SLC25A19: variants seen among roughly 807,000 people sequenced by gnomAD.
The protein encoded by SLC25A19 is solute carrier family 25 member 19.
A neutral mutation model predicts 27.9 loss-of-function variants in SLC25A19; 18 were observed. That is an observed-to-expected ratio of 0.64 (90% CI 0.45 to 0.96). The LOEUF (loss-of-function observed/expected upper bound fraction) is 0.96, where lower values mean the gene tolerates loss of function less well. Among genes scored for constraint, SLC25A19 ranks in the 40% least tolerant of loss-of-function variants. The pLI is 0.00. For synonymous variants in SLC25A19, 169 were observed against 167.1 expected, an observed-to-expected ratio of 1.01 and a Z score of -0.09; for missense variants, 371 against 418.3, an observed-to-expected ratio of 0.89 and a Z score of 0.99.
intron 4 of SLC25A19, 50 bp downstream of exon 4, chr17:75,286,254 C>T (rs1192776387): frequency 6.2e-7 from 1 of 1,605,702 alleles, no homozygotes; most frequent in African/African-American, 1.3e-5. Context: ...CTCTGCTCCT[C>T]CACTGAGCAA....
intron 5 of SLC25A19, 136 bp downstream of exon 5, chr17:75,283,287 C>T (rs1348074966): frequency 1.2e-4 from 119 of 972,868 alleles, no homozygotes; most frequent in Non-Finnish European, 3.6e-5. Flanking sequence ...CATGACAGAG[C>T]GAGATTCTGT....
rs776356552 is a variant in SLC25A19 at position 75,284,633 on chromosome 17, C to CATTTTTTTTTTTTTTTTTTTTTTT, written c.289-1041_289-1040insAAAAAAAAAAAAAAAAAAAAAAAT. On this transcript the variant is annotated intron_variant, in intron 4 of 7. Transcript: ENST00000416858. The stretch of plus-strand genomic sequence containing the variant: ...GTGACCCCCTTACATTCAGATCTTT[C>CATTTTTTTTTTTTTTTTTTTTTTT]TTTTTTTTTTTTTTTTTTTTTTTTT... Among the ~76,000 whole-genome samples the CATTTTTTTTTTTTTTTTTTTTTTT allele has an allele frequency of 9.8e-5, 11 of 112,292 alleles. 5 individuals are homozygous for CATTTTTTTTTTTTTTTTTTTTTTT. The highest frequency in any genetic ancestry group is 8.9e-5 in the Non-Finnish European group (5 of 55,872). The allele number at this position is 112,292 out of a possible 152,430, so 73.7% of individuals were successfully genotyped here.
chr17:75,278,988 CATAA>C lies in SLC25A19; in HGVS notation c.460-657_460-654del, dbSNP rs77182978. 3.4e-3 allele frequency among the ~76,000 whole-genome samples: 505 copies of C among 146,804 alleles called. 5 individuals carry two copies. Among genetic ancestry groups the C allele is most frequent in the South Asian group, 7.9e-3 (37 of 4,674 alleles). Reference sequence around the variant, plus strand: ...ACAGGCGGAGACTCTGTCTCAAAAACATAAATAAATAAATAAATAAATAAATAAA... The same window carrying C: ...ACAGGCGGAGACTCTGTCTCAAAAACATAAATAAATAAATAAATAAATAAA... On this transcript the variant is annotated intron_variant, in intron 5 of 7. Transcript: ENST00000416858.
intron 5 of SLC25A19, among the ~76,000 whole-genome samples, chr17:75,278,723 T>C (rs2077960879): frequency 1.3e-5 from 2 of 152,090 alleles, no homozygotes; most frequent in South Asian, 4.2e-4. Flanking sequence ...GGCTCACGCC[T>C]GTAATCCCAG....
intron 5 of SLC25A19, among the ~76,000 whole-genome samples, chr17:75,281,029 A>T (rs894054916): frequency 5.9e-5 from 9 of 151,726 alleles, no homozygotes; most frequent in African/African-American, 2.2e-4. Context: ...TACAAAAAAT[A>T]AAAAAATAAA....
At chr17:75,276,303 A>G (rs2077885277) in intron 7 of SLC25A19, among the ~76,000 whole-genome samples, 1 of 152,122 alleles carries the variant, frequency 6.6e-6, no homozygotes, top group Non-Finnish European at 1.5e-5. Flanking sequence ...AAAAAAATAC[A>G]TATATATATA....
chr17:75,275,006 T>G (rs2077840130), intron 7 of SLC25A19, among the ~76,000 whole-genome samples: 1 of 105,200 alleles, frequency 9.5e-6, no homozygotes, highest in Admixed American at 1.0e-4. Flanking sequence ...TTTTTTTTTT[T>G]GAGACAGAGT....
At chr17:75,283,649 A>C (rs1414113758) in intron 4 of SLC25A19, 56 bp from the exon 5 acceptor site, 18 of 1,548,252 alleles carry the variant, frequency 1.2e-5, no homozygotes, top group Non-Finnish European at 1.6e-5. Flanking sequence ...GTGAGGACCA[A>C]ATACTCCCCA....
intron 7 of SLC25A19, among the ~76,000 whole-genome samples, chr17:75,275,353 A>G (rs1399684292): frequency 6.6e-6 from 1 of 151,942 alleles, no homozygotes; most frequent in African/African-American, 2.4e-5. Context: ...ATGCATTATA[A>G]CTATAAACCC....
At chr17:75,281,611 C>T (rs934034167) in intron 5 of SLC25A19, among the ~76,000 whole-genome samples, 1 of 152,052 alleles carries the variant, frequency 6.6e-6, no homozygotes, top group Non-Finnish European at 1.5e-5. Context: ...ACAGGAGAAT[C>T]GCTTGAACCC....
At chr17:75,276,071 C>T (rs887357354) in intron 7 of SLC25A19, among the ~76,000 whole-genome samples, 15 of 151,794 alleles carry the variant, frequency 9.9e-5, no homozygotes, top group South Asian at 2.1e-4. Context: ...GTCAGGAGTT[C>T]GAGACCAGCC....
Position 75,274,971 on chromosome 17 carries a change from GTCT to G in SLC25A19, c.775-1335_775-1333del, listed in dbSNP as rs1467704393. On this transcript the variant is annotated intron_variant, in intron 7 of 7. Transcript: ENST00000416858. ...GGTAGTGAAATTACAAGGGATTTTG[GTCT>G]TTTTTTTTTTTTTTTTTTTTTTTTT... Among the ~76,000 whole-genome samples the G allele has an allele frequency of 8.7e-4, 64 of 73,890 alleles. 1 individual carries two copies. Among genetic ancestry groups the G allele is most frequent in the African/African-American group, 3.7e-3 (62 of 16,980 alleles). 48.5% of individuals were successfully genotyped at this position (73,890 alleles called of 152,430 possible). A position where few individuals can be genotyped will look rare whatever the true frequency, so the allele number is the denominator to read the frequency against.
At chr17:75,285,515 C>A (rs2078160641) in intron 4 of SLC25A19, among the ~76,000 whole-genome samples, 1 of 152,338 alleles carries the variant, frequency 6.6e-6, no homozygotes, top group African/African-American at 2.4e-5. Flanking sequence ...GCATGCCCAG[C>A]CAGTAAGCAC....
Position 75,273,530 on chromosome 17 carries a change from G to T in SLC25A19, c.884C>A (p.Ser295Tyr), listed in dbSNP as rs1386013043. ...ATACGAGAAGAACATGAAGCCTGTG[G>T]AGAGGGCAGCCTTCAGCAAGCTGGG... is the stretch of plus-strand genomic sequence containing the variant. Reference protein sequence around the residue: ...LSPSLLKAALSTGFMFFSYEF... With the variant: ...LSPSLLKAALYTGFMFFSYEF... The change falls in exon 8 of 8, where the codon TCC becomes TAC. Residue 295 changes from serine (S) to tyrosine (Y), a missense_variant. Coordinates refer to ENST00000416858, the MANE Select transcript of SLC25A19 (RefSeq NM_001126121.2). 1 of 1,614,210 alleles carries T rather than the reference G, an allele frequency of 6.2e-7. No homozygotes were observed. The highest frequency in any genetic ancestry group is 1.7e-5 in the Admixed American group (1 of 60,028).
At chr17:75,276,965 G>A (rs751902171) in intron 7 of SLC25A19, among the ~76,000 whole-genome samples, 1 of 149,242 alleles carries the variant, frequency 6.7e-6, no homozygotes, top group African/African-American at 2.5e-5. Flanking sequence ...TTACAGGTGT[G>A]AGCCACCACG....
chr17:75,273,577 C>T lies in SLC25A19; in HGVS notation c.837G>A (p.Leu279=), dbSNP rs755485112. ...TGGGGGACAGGCCCTTGAAGAAGCC[C>T]AGGGCGCCTTCCTTTTGCAGCACCT... is the stretch of plus-strand genomic sequence containing the variant. The part of the protein sequence containing the change: ...AKQVLQKEGA[L]GFFKGLSPSL... The change falls in exon 8 of 8, where the codon CTG becomes CTA. Residue 279 remains leucine, a synonymous_variant. Coordinates refer to ENST00000416858, the MANE Select transcript of SLC25A19 (RefSeq NM_001126121.2). 5.0e-6 allele frequency: 8 copies of T among 1,613,978 alleles called. No homozygotes were observed. The East Asian group carries it at 8.9e-5, about 18-fold the overall frequency.
chr17:75,283,410 C>T lies in SLC25A19; in HGVS notation c.459+13G>A. On this transcript the variant is annotated intron_variant, in intron 5 of 7. Coordinates refer to ENST00000416858, the MANE Select transcript of SLC25A19 (RefSeq NM_001126121.2). Reference sequence around the variant, plus strand: ...TTATTTGGGCTTCCCCGGTCTGGCTCCTGGCCACTCACCTTGGGCTCACCC... The same window carrying T: ...TTATTTGGGCTTCCCCGGTCTGGCTTCTGGCCACTCACCTTGGGCTCACCC... The T allele has an allele frequency of 1.2e-6, 2 of 1,611,382 alleles. No homozygotes were observed. The highest frequency in any genetic ancestry group is 2.7e-5 in the African/African-American group (2 of 74,996).
At chr17:75,283,361 G>A in intron 5 of SLC25A19, 62 bp downstream of exon 5, 2 of 1,495,032 alleles carry the variant, frequency 1.3e-6, no homozygotes, top group South Asian at 1.2e-5. Flanking sequence ...AATAAAGAAT[G>A]CTACCCCTGT....
In SLC25A19 at chr17:75,283,601, AG is replaced by A. The variant is rs1413285534; in HGVS notation, c.289-9del. On this transcript the variant is annotated splice_polypyrimidine_tract_variant and intron_variant, in intron 4 of 7. Transcript: ENST00000416858. Reference sequence around the variant, plus strand: ...CATTTCAAATGACAAGAACTGCAAGAGTAAGTGAAGAAGTCACCGACAGCCC... The same window carrying A: ...CATTTCAAATGACAAGAACTGCAAGATAAGTGAAGAAGTCACCGACAGCCC... 3 of 1,612,472 alleles carry A rather than the reference AG, an allele frequency of 1.9e-6. No individual in the cohort carries two copies. In the African/African-American group the frequency reaches 4.0e-5, roughly 22 times the overall value.
Sources: gnomAD v4.1 joint callset for allele counts (sites outside exome capture counted in the v4.1 genomes callset) on GRCh38, gnomAD v4.1.1 for gene constraint, MANE v1.5 for transcripts, NCBI Gene and HGNC (gene_info 2026-07-23, HGNC 2026-07-21) for gene names.